The following FLNB variants were observed in gnomAD, a reference collection of about 807,000 sequenced individuals.
FLNB encodes the protein filamin B.
In FLNB, 111 loss-of-function variants were observed where a neutral mutation model predicts 250.6. The observed-to-expected ratio is 0.44, with a 90% CI of 0.38 to 0.52. The LOEUF (loss-of-function observed/expected upper bound fraction) is 0.52. Ranked by LOEUF, FLNB falls within the 20% of genes least tolerant of loss-of-function variation. FLNB has a pLI of 0.00. For synonymous variants in FLNB, 1,302 were observed against 1,372.1 expected (o/e 0.95, Z 1.13); for missense variants, 2,869 against 3,447.8 (o/e 0.83, Z 4.20).
At chr3:58,145,243 A>G (rs184211344) in intron 32 of FLNB, among the ~76,000 whole-genome samples, 2 of 152,186 alleles carry the variant, frequency 1.3e-5, no homozygotes, top group Admixed American at 6.5e-5. Flanking sequence ...ATTTTATTCT[A>G]TTTTGTTTTT....
At chr3:58,162,383 G>A (rs761363287) in intron 42 of FLNB, among the ~76,000 whole-genome samples, 8 of 152,166 alleles carry the variant, frequency 5.3e-5, no homozygotes, top group Non-Finnish European at 1.2e-4. Flanking sequence ...TCAGTTAACA[G>A]ATTACCTTGC....
intron 11 of FLNB, among the ~76,000 whole-genome samples, chr3:58,105,419 G>A (rs1450118133): frequency 1.2e-4 from 18 of 152,214 alleles, no homozygotes; most frequent in Admixed American, 1.2e-3. Context: ...AGGAGACCTT[G>A]AGGGCAGAAA....
At position 58,125,685 on chromosome 3, in the gene FLNB, G is replaced by A; in HGVS notation, c.4003G>A (p.Gly1335Arg). Residue 1335 changes from glycine (G) to arginine (R), a missense_variant, in exon 23 of 46, where the codon GGA becomes AGA. Physicochemically the swap from Gly to Arg is moderately radical, Grantham distance 125 (BLOSUM62 -2). Around this residue, in one of 5 missense-constraint regions of FLNB, gnomAD observed 1,348 missense variants for 1,466.7 expected, o/e 0.92. Transcript: ENST00000295956. ...GCQPSRVQAQ[G>R]PGLKEAFTNK... Reference sequence around the variant, plus strand: ...CCAGCCATCTAGGGTGCAAGCCCAAGGACCTGGATTGAAAGAGGCCTTTAC... The same window carrying A: ...CCAGCCATCTAGGGTGCAAGCCCAAAGACCTGGATTGAAAGAGGCCTTTAC... 2.5e-6 allele frequency: 4 copies of A among 1,614,212 alleles called. No individual in the cohort carries two copies. Among genetic ancestry groups the A allele is most frequent in the Non-Finnish European group, 3.4e-6 (4 of 1,180,042 alleles).
chr3:58,099,554 G>GTTT (rs1460426895), intron 8 of FLNB, among the ~76,000 whole-genome samples: 2 of 151,984 alleles, frequency 1.3e-5, no homozygotes, highest in Non-Finnish European at 1.5e-5. Context: ...GTTTTGTTTT[G>GTTT]TTTTGTTTTG....
chr3:58,042,760 A>G (rs948188744), intron 1 of FLNB, among the ~76,000 whole-genome samples: 8 of 151,540 alleles, frequency 5.3e-5, no homozygotes, highest in African/African-American at 1.9e-4. Context: ...GTCAAGTTAT[A>G]CTCTCTCCTT....
At chr3:58,082,272 C>A (rs1223272463) in intron 4 of FLNB, among the ~76,000 whole-genome samples, 3 of 152,146 alleles carry the variant, frequency 2.0e-5, no homozygotes, top group South Asian at 4.1e-4. Context: ...CCGTTTTGCT[C>A]AGAACATTAT....
rs140140410 is a variant in FLNB, at chr3:58,126,390, AAAAT to A, written c.4062-207_4062-204del. 6.6e-3 allele frequency among the ~76,000 whole-genome samples: 1,010 copies of A among 152,326 alleles called. 8 individuals carry two copies. The highest frequency in any genetic ancestry group is 0.023 in the African/African-American group (962 of 41,572). ...GTGAGACTCTGTCTCAGGAAAAAGA[AAAAT>A]AAATGAAGCATAAGCATTGAAAATG... On this transcript the variant is annotated intron_variant, in intron 23 of 45. Transcript: ENST00000295956.
chr3:58,070,206 C>T (rs2097192096), intron 1 of FLNB, among the ~76,000 whole-genome samples: 1 of 151,936 alleles, frequency 6.6e-6, no homozygotes, highest in Non-Finnish European at 1.5e-5. Flanking sequence ...TGCCATTATG[C>T]CCTGCTAATT....
intron 38 of FLNB, among the ~76,000 whole-genome samples, chr3:58,152,550 GA>G (rs34755525): frequency 0.1 from 15,945 of 152,258 alleles, 948 homozygotes; most frequent in African/African-American, 0.12. Flanking sequence ...CCACTTTCAT[GA>G]CCTTATCTAA....
intron 1 of FLNB, among the ~76,000 whole-genome samples, chr3:58,063,033 G>A (rs369489766): frequency 1.3e-5 from 2 of 152,282 alleles, no homozygotes; most frequent in South Asian, 2.1e-4. Context: ...CTGATGAGGC[G>A]AGGGAGTTAC....
intron 3 of FLNB, among the ~76,000 whole-genome samples, chr3:58,081,333 A>G (rs2097209031): frequency 6.6e-6 from 1 of 152,048 alleles, no homozygotes; most frequent in African/African-American, 2.4e-5. Context: ...TCATTTTTGA[A>G]ATTTTGACCA....
At position 58,149,908 on chromosome 3, in the gene FLNB, G is replaced by A. The variant is rs1250740040; in HGVS notation, c.6150G>A (p.Glu2050=). The A allele has an allele frequency of 6.2e-7, 1 of 1,614,240 alleles. No homozygotes were observed. ...EGPSKVDIQT[E]DLEDGTCKVS... ...CCAGCAAAGTGGACATCCAGACGGAGGACCTGGAAGATGGCACCTGCAAAG... is the reference window on the plus strand; with the variant it reads ...CCAGCAAAGTGGACATCCAGACGGAAGACCTGGAAGATGGCACCTGCAAAG... Residue 2050 remains glutamate (E), a synonymous_variant, in exon 37 of 46, where the codon GAG becomes GAA. Transcript: ENST00000295956.
intron 18 of FLNB, among the ~76,000 whole-genome samples, chr3:58,114,394 C>T (rs908656722): frequency 2.6e-5 from 4 of 152,196 alleles, no homozygotes; most frequent in African/African-American, 9.7e-5. Flanking sequence ...CCTCAGCCTC[C>T]GAAAGTGCTG....
rs766217926 is a variant in FLNB, at chr3:58,102,268, G to A, written c.1411G>A (p.Glu471Lys). The change falls in exon 9 of 46, where the codon GAG (glutamate) becomes AAG (lysine). Residue 471 changes from glutamate (E) to lysine (K), a missense_variant. This residue lies in a region of FLNB where 1,348 missense variants were observed against 1,466.7 expected (regional missense o/e 0.92). Transcript: ENST00000295956. ...ACAACCCAAAGGCGTCCGTATCCGG[G>A]AGACCACAGATTTCAAGGTTGACAC... ...GLQPKGVRIR[E>K]TTDFKVDTKA... The A allele has an allele frequency of 1.2e-5, 19 of 1,614,246 alleles. No homozygotes were observed. In the South Asian group the frequency reaches 2.0e-4, roughly 17 times the overall value.
intron 1 of FLNB, among the ~76,000 whole-genome samples, chr3:58,053,416 A>G (rs545146188): frequency 1.3e-5 from 2 of 152,344 alleles, no homozygotes; most frequent in African/African-American, 2.4e-5. Flanking sequence ...TGAGCTATTC[A>G]TAGCCAAATC....
At chr3:58,016,429 A>C (rs2097105837) in intron 1 of FLNB, among the ~76,000 whole-genome samples, 1 of 148,704 alleles carries the variant, frequency 6.7e-6, no homozygotes, top group Admixed American at 6.8e-5. Flanking sequence ...TGCTCCAGTC[A>C]TTCCTATTAG....
At chr3:58,100,668 G>T (rs1481873005) in intron 8 of FLNB, among the ~76,000 whole-genome samples, 2 of 148,284 alleles carry the variant, frequency 1.3e-5, no homozygotes, top group Non-Finnish European at 3.0e-5. Context: ...TGTGATCTTG[G>T]CTCACTGCAG....
In FLNB at chr3:58,106,731, A is replaced by G; in HGVS notation, c.1799A>G (p.Asn600Ser). 4.3e-6 allele frequency: 7 copies of G among 1,614,178 alleles called. No individual in the cohort carries two copies. Among genetic ancestry groups the G allele is most frequent in the Non-Finnish European group, 5.9e-6 (7 of 1,180,024 alleles). ...GCAAAGATTGAGTACAACGACCAGA[A>G]TGATGGATCGTGTGATGTCAAATAC... ...SQAKIEYNDQ[N>S]DGSCDVKYWP... is the part of the protein sequence containing the mutation. Residue 600 changes from asparagine to serine, a missense_variant, in exon 12 of 46, where the codon AAT becomes AGT. Asn to Ser is a conservative substitution (Grantham distance 46). Around this residue, in one of 5 missense-constraint regions of FLNB, gnomAD observed 1,348 missense variants for 1,466.7 expected, o/e 0.92. Transcript: ENST00000295956.
At chr3:58,071,143 G>A (rs911105618) in intron 1 of FLNB, among the ~76,000 whole-genome samples, 1 of 151,562 alleles carries the variant, frequency 6.6e-6, no homozygotes, top group Non-Finnish European at 1.5e-5. Context: ...GTAGGGACAG[G>A]GTGTCCCTAT....
Sources: gnomAD v4.1 joint callset for allele counts (sites outside exome capture counted in the v4.1 genomes callset) on GRCh38, gnomAD v4.1.1 for gene constraint, gnomAD v4.1.1 regional missense constraint, MANE v1.5 for transcripts, NCBI Gene and HGNC (gene_info 2026-07-23, HGNC 2026-07-21) for gene names.